The following GLRA2 variants were observed in gnomAD, a reference collection of about 807,000 sequenced individuals.
GLRA2 encodes glycine receptor alpha 2, also known as glycine receptor subunit alpha-2.
GLRA2 carries 11 observed loss-of-function variants against 31.6 expected under a neutral mutation model. The observed-to-expected ratio is 0.35, with a 90% CI of 0.22 to 0.58. The LOEUF (loss-of-function observed/expected upper bound fraction) is 0.58. GLRA2 is among the 20% of genes least tolerant of loss of function. The pLI is 0.84. For synonymous variants in GLRA2, 132 were observed against 134.0 expected, an observed-to-expected ratio of 0.99 and a Z score of 0.10; for missense variants, 212 against 351.8, an observed-to-expected ratio of 0.60 and a Z score of 3.18.
At chrX:14,560,149 C>A (rs1326437688) in intron 2 of GLRA2, among the ~76,000 whole-genome samples, 1 of 112,332 alleles carries the variant, frequency 8.9e-6, no homozygotes, top group Non-Finnish European at 1.9e-5. Context: ...TAGACAAAAT[C>A]TTTTTATTCT....
At chrX:14,563,376 A>G (rs1257260116) in intron 2 of GLRA2, among the ~76,000 whole-genome samples, 1 of 112,531 alleles carries the variant, frequency 8.9e-6, no homozygotes, top group Non-Finnish European at 1.9e-5. Flanking sequence ...AACAAAGACT[A>G]TAGTGACCAC....
intron 5 of GLRA2, among the ~76,000 whole-genome samples, chrX:14,606,231 C>G (rs1329820319): frequency 2.8e-5 from 3 of 107,973 alleles, no homozygotes; most frequent in Non-Finnish European, 5.7e-5. Context: ...CCTCATCACT[C>G]TTATCTGAAA....
At chrX:14,638,684 A>T (rs2090740820) in intron 7 of GLRA2, among the ~76,000 whole-genome samples, 1 of 111,002 alleles carries the variant, frequency 9.0e-6, no homozygotes, top group Admixed American at 9.7e-5. Flanking sequence ...ACCAGCACCT[A>T]TATGCATTTG....
intron 2 of GLRA2, among the ~76,000 whole-genome samples, chrX:14,546,542 A>C (rs2089482381): frequency 9.0e-6 from 1 of 111,446 alleles, no homozygotes; most frequent in Non-Finnish European, 1.9e-5. Context: ...TCAAGGAGAA[A>C]ACTCCACGAT....
the GLRA2 span, among the ~76,000 whole-genome samples, chrX:14,490,733 G>A: frequency 8.9e-6 from 1 of 111,871 alleles, no homozygotes; most frequent in South Asian, 3.7e-4. Context: ...GGCTTCTTGT[G>A]TAAGAAAACA....
chrX:14,471,817 C>T, the GLRA2 span, among the ~76,000 whole-genome samples: 1 of 112,035 alleles, frequency 8.9e-6, no homozygotes, highest in Non-Finnish European at 1.9e-5. Flanking sequence ...ATCGGACAAC[C>T]TGAGAACCAA....
the GLRA2 span, among the ~76,000 whole-genome samples, chrX:14,476,956 T>C: frequency 8.9e-6 from 1 of 111,749 alleles, no homozygotes; most frequent in East Asian, 2.8e-4. Flanking sequence ...CTGAAAATTC[T>C]CTATTACTCT....
At chrX:14,675,173 G>A (rs2091132466) in intron 7 of GLRA2, among the ~76,000 whole-genome samples, 1 of 111,283 alleles carries the variant, frequency 9.0e-6, no homozygotes, top group South Asian at 3.8e-4. Context: ...TCTCTCAGAT[G>A]CCTACATTTG....
chrX:14,545,613 G>A (rs938578876), intron 2 of GLRA2, among the ~76,000 whole-genome samples: 2 of 111,667 alleles, frequency 1.8e-5, no homozygotes, highest in Non-Finnish European at 3.8e-5. Flanking sequence ...CTGAATAAAG[G>A]TTAACTATAA....
At chrX:14,582,631 C>T (rs1206042520) in intron 4 of GLRA2, among the ~76,000 whole-genome samples, 13 of 111,435 alleles carry the variant, frequency 1.2e-4, no homozygotes, top group African/African-American at 4.3e-4. Flanking sequence ...AGAATCAAAT[C>T]GAAGCTTTGC....
Position 14,639,755 on chromosome X carries a change from ACT to A in GLRA2, c.930+30554_930+30555del, listed in dbSNP as rs765744257. On this transcript the variant is annotated intron_variant, in intron 7 of 8. Coordinates refer to ENST00000218075, the MANE Select transcript of GLRA2 (RefSeq NM_002063.4). ...ACTGGTGTAAACTTGAGGAAAGTTTACTCTCATTTAAATAAATCCCTGTTTGT... is the reference window on the plus strand; with the variant it reads ...ACTGGTGTAAACTTGAGGAAAGTTTACTCATTTAAATAAATCCCTGTTTGT... 3.2e-3 allele frequency among the ~76,000 whole-genome samples: 358 copies of A among 111,739 alleles called. 1 individual carries two copies. Among genetic ancestry groups the A allele is most frequent in the African/African-American group, 0.011 (344 of 30,825 alleles).
chrX:14,680,938 C>T (rs766002393), intron 7 of GLRA2, among the ~76,000 whole-genome samples: 2 of 111,998 alleles, frequency 1.8e-5, no homozygotes, highest in South Asian at 7.5e-4. Context: ...TTGGTAGGCA[C>T]ATATCTCGGG....
chrX:14,595,701 C>T (rs2090194171), intron 4 of GLRA2, among the ~76,000 whole-genome samples: 1 of 111,258 alleles, frequency 9.0e-6, no homozygotes, highest in African/African-American at 3.3e-5. Context: ...AATAGATAAC[C>T]TGCTCTACCC....
At chrX:14,549,514 G>T (rs1479608949) in intron 2 of GLRA2, among the ~76,000 whole-genome samples, 1 of 111,676 alleles carries the variant, frequency 9.0e-6, no homozygotes, top group African/African-American at 3.3e-5. Context: ...GATGATGAAG[G>T]TTTGGGCTTA....
the GLRA2 span, among the ~76,000 whole-genome samples, chrX:14,509,216 G>T: frequency 8.9e-6 from 1 of 112,346 alleles, no homozygotes; most frequent in Non-Finnish European, 1.9e-5. Flanking sequence ...TACTGTAATA[G>T]ATTGAAGAAT....
At chrX:14,674,963 T>C (rs2091130192) in intron 7 of GLRA2, among the ~76,000 whole-genome samples, 1 of 112,142 alleles carries the variant, frequency 8.9e-6, no homozygotes, top group South Asian at 3.7e-4. Context: ...CACTTCCCCC[T>C]TATTCCTGCC....
the GLRA2 span, among the ~76,000 whole-genome samples, chrX:14,500,785 T>G: frequency 9.0e-6 from 1 of 111,598 alleles, no homozygotes; most frequent in Admixed American, 9.5e-5. Flanking sequence ...CTCATCCTCA[T>G]ATTTTAATTA....
chrX:14,477,607 C>T, the GLRA2 span, among the ~76,000 whole-genome samples: 1 of 111,567 alleles, frequency 9.0e-6, no homozygotes, highest in Non-Finnish European at 1.9e-5. Flanking sequence ...TGTAACGGTG[C>T]AACTTGTGTC....
At chrX:14,666,079 A>G (rs901781302) in intron 7 of GLRA2, among the ~76,000 whole-genome samples, 3 of 112,027 alleles carry the variant, frequency 2.7e-5, no homozygotes, top group African/African-American at 9.7e-5. Context: ...CACAGTGACA[A>G]TGTGCTTCAT....
Sources: gnomAD v4.1 joint callset for allele counts (sites outside exome capture counted in the v4.1 genomes callset) on GRCh38, gnomAD v4.1.1 for gene constraint, MANE v1.5 for transcripts, NCBI Gene and HGNC (gene_info 2026-07-23, HGNC 2026-07-21) for gene names.